The following SRD5A1 variants were observed in gnomAD, a reference collection of about 807,000 sequenced individuals.
The protein encoded by SRD5A1 is 3-oxo-5-alpha-steroid 4-dehydrogenase 1.
A neutral mutation model predicts 28.2 loss-of-function variants in SRD5A1; 22 were observed. That is an observed-to-expected ratio of 0.78 (90% confidence interval 0.56 to 1.12). The LOEUF (loss-of-function observed/expected upper bound fraction) is 1.12, where lower values mean the gene tolerates loss of function less well. Among genes scored for constraint, SRD5A1 ranks in the 50% most tolerant of loss-of-function variants. SRD5A1 has a pLI of 0.00. For missense variants in SRD5A1, 300 were observed against 346.7 expected, an observed-to-expected ratio of 0.87 and a Z score of 1.07; for synonymous variants, 151 against 135.0, an observed-to-expected ratio of 1.12 and a Z score of -0.82.
At chr5:6,633,928 C>T (rs949929140) in intron 1 of SRD5A1, 59 bp downstream of exon 1, 14 of 1,557,730 alleles carry the variant, frequency 9.0e-6, no homozygotes, top group Middle Eastern at 1.7e-4. Context: ...CTCTCCGACC[C>T]TCCCCTCACT....
intron 1 of SRD5A1, among the ~76,000 whole-genome samples, chr5:6,637,372 T>C (rs1738216864): frequency 6.6e-6 from 1 of 152,200 alleles, no homozygotes; most frequent in Non-Finnish European, 1.5e-5. Context: ...TGGTTCTTGC[T>C]GGGCTTCTTC....
At chr5:6,662,464 C>T (rs2126550553) in intron 3 of SRD5A1, among the ~76,000 whole-genome samples, 1 of 152,302 alleles carries the variant, frequency 6.6e-6, no homozygotes, top group South Asian at 2.1e-4. Flanking sequence ...TATCTTTGTC[C>T]CTCATTGCTC....
Position 6,668,395 on chromosome 5 carries a change from ATTT to A in SRD5A1, c.*133_*135del. 1 of 582,782 alleles carries A rather than the reference ATTT, an allele frequency of 1.7e-6. No individual in the cohort carries two copies. Among genetic ancestry groups the A allele is most frequent in the Non-Finnish European group, 2.8e-6 (1 of 351,772 alleles). The allele number at this position is 582,782 out of a possible 1,614,324, so 36.1% of individuals were successfully genotyped here. ...ATCATTTTCAAGATGTCCTCTAGGAATTTTTTTTCTAGTAATTTTGCAATCTAC... is the reference window on the plus strand; with the variant it reads ...ATCATTTTCAAGATGTCCTCTAGGAATTTTTCTAGTAATTTTGCAATCTAC... On this transcript the variant is annotated 3_prime_UTR_variant, in exon 5 of 5. Transcript: ENST00000274192.
At chr5:6,664,627 A>G (rs1215649858) in intron 4 of SRD5A1, among the ~76,000 whole-genome samples, 1 of 152,170 alleles carries the variant, frequency 6.6e-6, no homozygotes, top group Non-Finnish European at 1.5e-5. Context: ...GCTGGTCTTA[A>G]ACTCCTGGAC....
At chr5:6,643,979 G>A (rs996145872) in intron 1 of SRD5A1, among the ~76,000 whole-genome samples, 2 of 152,238 alleles carry the variant, frequency 1.3e-5, no homozygotes, top group African/African-American at 4.8e-5. Flanking sequence ...GCCAGCTGAC[G>A]TTTTTCAGGT....
At chr5:6,643,101 A>T (rs184458210) in intron 1 of SRD5A1, among the ~76,000 whole-genome samples, 1 of 151,520 alleles carries the variant, frequency 6.6e-6, no homozygotes, top group African/African-American at 2.4e-5. Flanking sequence ...TCCACTTTGG[A>T]TTCTACTAAA....
Position 6,634,011 on chromosome 5 carries a change from C to T in SRD5A1, c.293+142C>T, listed in dbSNP as rs1579389253. The T allele has an allele frequency of 5.7e-6, 5 of 877,156 alleles. No individual in the cohort carries two copies. The East Asian group carries it at 1.4e-4, about 24-fold the overall frequency. The allele number at this position is 877,156 out of a possible 1,614,324, so 54.3% of individuals were successfully genotyped here. On this transcript the variant is annotated intron_variant, in intron 1 of 4. Coordinates refer to ENST00000274192, the MANE Select transcript of SRD5A1 (RefSeq NM_001047.4). ...CTGCCAGATCCCCCGGGGCGTCCCC[C>T]ATCTGCACGGGTGCCCTTCCCCGAG... is the stretch of plus-strand genomic sequence containing the variant.
chr5:6,666,696 A>C (rs1739194033), intron 4 of SRD5A1, among the ~76,000 whole-genome samples: 1 of 152,220 alleles, frequency 6.6e-6, no homozygotes, highest in Non-Finnish European at 1.5e-5. Flanking sequence ...TGTGAAATAC[A>C]CTTAACCTCT....
intron 1 of SRD5A1, among the ~76,000 whole-genome samples, chr5:6,650,774 C>T (rs970028487): frequency 1.7e-4 from 26 of 150,206 alleles, no homozygotes; most frequent in Admixed American, 6.7e-4. Context: ...GTATATCTCC[C>T]AATGCTATCC....
At chr5:6,634,058 G>C (rs1346504205) in intron 1 of SRD5A1, among the ~76,000 whole-genome samples, 189 bp downstream of exon 1, 3 of 152,260 alleles carry the variant, frequency 2.0e-5, no homozygotes, top group Admixed American at 1.3e-4. Context: ...CGGGAGTTTG[G>C]AAACCAGAAG....
chr5:6,636,708 A>G (rs1000448909), intron 1 of SRD5A1, among the ~76,000 whole-genome samples: 24 of 152,220 alleles, frequency 1.6e-4, no homozygotes, highest in Admixed American at 3.9e-4. Context: ...AGGAAGGGAT[A>G]GAGGGAATGG....
intron 2 of SRD5A1, among the ~76,000 whole-genome samples, chr5:6,654,434 T>TTTTTTTTG (rs1554001872): frequency 1.7e-4 from 26 of 151,458 alleles, no homozygotes; most frequent in African/African-American, 5.8e-4. Flanking sequence ...TAAGTTTTTT[T>TTTTTTTTG]TTTGTTTGTT....
intron 2 of SRD5A1, chr5:6,653,525 C>G (rs1738747790): frequency 1.3e-5 from 2 of 152,170 alleles, no homozygotes; most frequent in African/African-American, 4.8e-5. Context: ...GAAAGGATGT[C>G]CCTAAGATGT....
intron 1 of SRD5A1, among the ~76,000 whole-genome samples, chr5:6,651,561 G>A (rs1201173893): frequency 6.6e-6 from 1 of 152,164 alleles, no homozygotes; most frequent in African/African-American, 2.4e-5. Flanking sequence ...TCGAGAGGCT[G>A]GGACAGGAAG....
intron 4 of SRD5A1, among the ~76,000 whole-genome samples, chr5:6,663,492 T>C (rs938139889): frequency 1.4e-4 from 21 of 152,204 alleles, no homozygotes; most frequent in Non-Finnish European, 2.8e-4. Flanking sequence ...GACATCATTT[T>C]CCAGAGACCG....
At chr5:6,659,554 A>G (rs949751182) in intron 3 of SRD5A1, among the ~76,000 whole-genome samples, 2 of 152,244 alleles carry the variant, frequency 1.3e-5, no homozygotes, top group African/African-American at 2.4e-5. Context: ...AACTAATTCA[A>G]GAAAGCTTTT....
chr5:6,640,544 T>TC (rs397696338), intron 1 of SRD5A1, among the ~76,000 whole-genome samples: 1 of 151,662 alleles, frequency 6.6e-6, no homozygotes, highest in Admixed American at 6.6e-5. Context: ...TTTTTTTTTT[T>TC]CAATTGAGAT....
At chr5:6,663,186 GC>G (rs1373440163) in intron 4 of SRD5A1, among the ~76,000 whole-genome samples, 3 of 152,188 alleles carry the variant, frequency 2.0e-5, no homozygotes, top group Non-Finnish European at 4.4e-5. Context: ...CACGTCCTTA[GC>G]CTCTCTGAAT....
intron 1 of SRD5A1, among the ~76,000 whole-genome samples, chr5:6,637,800 A>G (rs1738241086): frequency 6.6e-6 from 1 of 152,184 alleles, no homozygotes; most frequent in African/African-American, 2.4e-5. Context: ...CACCTGTCCC[A>G]GGTTTGTACT....
Sources: allele counts gnomAD v4.1 joint callset (sites outside exome capture counted in the v4.1 genomes callset), GRCh38; gene constraint gnomAD v4.1.1; transcripts MANE v1.5; gene names NCBI Gene and HGNC (gene_info 2026-07-23, HGNC 2026-07-21).